Variants in PCM1 observed in about 807,000 individuals in gnomAD.
PCM1 encodes pericentriolar material 1 protein.
In PCM1, 157 loss-of-function variants were observed where a neutral mutation model predicts 241.9. The ratio of observed to expected loss-of-function variants is 0.65; its 90% confidence interval spans 0.57 to 0.74. The LOEUF is 0.74. Among genes scored for constraint, PCM1 ranks in the 30% least tolerant of loss-of-function variants. The probability of loss-of-function intolerance (pLI) is 0.00; values close to 1 mark genes in which losing one functional copy is unlikely to be tolerated. For missense variants in PCM1, 3,478 were observed against 2,360.1 expected (o/e 1.47, Z -9.81); for synonymous variants, 1,085 against 784.9 (o/e 1.38, Z -6.39).
rs1019509095 is a variant in PCM1, at chr8:18,015,591, C to T, written c.5841+751C>T. The T allele has an allele frequency of 4.6e-5, 7 of 152,306 alleles. 1 individual carries two copies. The East Asian group carries it at 1.3e-3, about 29-fold the overall frequency. The allele number at this position is 152,306 out of a possible 1,614,324, so 9.4% of individuals were successfully genotyped here. On this transcript the variant is annotated intron_variant, in intron 36 of 38. Transcript: ENST00000325083. The stretch of plus-strand genomic sequence containing the variant: ...TACTTCCACATTTTCCAAATAAATA[C>T]TTGCCTCTGATATTTTGTCAGTGGA...
chr8:17,988,280 G>A (rs1044612700), intron 26 of PCM1, among the ~76,000 whole-genome samples: 1 of 151,770 alleles, frequency 6.6e-6, no homozygotes, highest in East Asian at 1.9e-4. Flanking sequence ...ACAAATGTTT[G>A]ATTTCATAAT....
intron 2 of PCM1, among the ~76,000 whole-genome samples, chr8:17,931,230 A>G (rs1374873185): frequency 2.6e-5 from 4 of 152,140 alleles, no homozygotes; most frequent in Admixed American, 1.3e-4. Context: ...CAAGCTCTGC[A>G]TTTTAGGGGG....
chr8:17,992,336 G>C (rs1313265793), intron 28 of PCM1, among the ~76,000 whole-genome samples: 1 of 152,134 alleles, frequency 6.6e-6, no homozygotes, highest in East Asian at 1.9e-4. Flanking sequence ...TTCCATAGTG[G>C]TTGTACTAGT....
rs71519940 is a variant in PCM1 at position 18,018,852 on chromosome 8, GTATATATATATATA to G, written c.5841+4027_5841+4040del. Among the ~76,000 whole-genome samples, 197 of 53,736 alleles carry G rather than the reference GTATATATATATATA, an allele frequency of 3.7e-3. 8 individuals carry two copies. The highest frequency in any genetic ancestry group is 0.012 in the Middle Eastern group (1 of 84). 35.3% of individuals were successfully genotyped at this position (53,736 alleles called of 152,430 possible). A position where few individuals can be genotyped will look rare whatever the true frequency, so the allele number is the denominator to read the frequency against. Reference sequence around the variant, plus strand: ...TATATATATATATGTGTGTGTGTGTGTATATATATATATATATATATATATATACACACACATAT... The same window carrying G: ...TATATATATATATGTGTGTGTGTGTGTATATATATATATACACACACATAT... On this transcript the variant is annotated intron_variant, in intron 36 of 38. Coordinates refer to ENST00000325083, the MANE Select transcript of PCM1 (RefSeq NM_006197.4).
chr8:17,960,542 T>TTTTTTTTTTTTTGG (rs1586890974), intron 15 of PCM1, 98 bp downstream of exon 15: 1 of 942,590 alleles, frequency 1.1e-6, no homozygotes, highest in African/African-American at 1.7e-5. Context: ...TCTTTTTTTT[T>TTTTTTTTTTTTTGG]GAGGCAGAGT....
rs2058366081 is a variant in PCM1, at chr8:17,929,749, T to C, written c.-23+4969T>C. ...GAGACCCCCAGTGCATGCCTGAAAC[T>C]GTGGGTAGTACCAAACTCTATGTGT... is the stretch of plus-strand genomic sequence containing the variant. On this transcript the variant is annotated intron_variant, in intron 2 of 38. Coordinates refer to ENST00000325083, the MANE Select transcript of PCM1 (RefSeq NM_006197.4). Among the ~76,000 whole-genome samples the C allele has an allele frequency of 2.0e-5, 3 of 152,208 alleles. No homozygotes were observed. In the South Asian group the frequency reaches 6.2e-4, roughly 31 times the overall value.
chr8:18,001,995 C>CTTTTTTTTTTTTTT (rs1166401113), intron 29 of PCM1, among the ~76,000 whole-genome samples: 5 of 23,404 alleles, frequency 2.1e-4, no homozygotes, highest in Non-Finnish European at 3.3e-4. Flanking sequence ...TCTAACCTTT[C>CTTTTTTTTTTTTTT]TTTTTTTTTT....
chr8:17,960,593 TG>T, intron 15 of PCM1, 149 bp downstream of exon 15: 2 of 562,918 alleles, frequency 3.6e-6, no homozygotes, highest in East Asian at 3.7e-5. Context: ...GGCGTGATCT[TG>T]GCTCACTGCA....
chr8:17,962,292 G>A, intron 16 of PCM1, 118 bp downstream of exon 16: 1 of 784,472 alleles, frequency 1.3e-6, no homozygotes, highest in East Asian at 3.0e-5. Context: ...TTTGTAAATA[G>A]TAGTCTGCTT....
rs964798150 is a variant in PCM1, at chr8:17,935,743, A to G, written c.96+37A>G. On this transcript the variant is annotated intron_variant, in intron 3 of 38. Coordinates refer to ENST00000325083, the MANE Select transcript of PCM1 (RefSeq NM_006197.4). ...TACTCTTCATGGTGTGTTGTTGGCT[A>G]TTAATGTTAAAATGCAGTTTTCCCC... The G allele has an allele frequency of 2.3e-5, 22 of 964,200 alleles. No homozygotes were observed. In the African/African-American group the frequency reaches 2.4e-4, roughly 10 times the overall value. 59.7% of individuals were successfully genotyped at this position (964,200 alleles called of 1,614,324 possible). A position where few individuals can be genotyped will look rare whatever the true frequency, so the allele number is the denominator to read the frequency against.
rs767080180 is a variant in PCM1 at position 17,955,509 on chromosome 8, C to G, written c.1328C>G (p.Ala443Gly). ...QRSVDQRSTS[A>G]PSASVGLAPV... ...AGTGTCGATCAGAGAAGTACTTCAG[C>G]TCCCTCTGCTTCTGTAGGCTTGGCA... The change falls in exon 10 of 39, where the codon GCT (alanine) becomes GGT (glycine). Residue 443 changes from alanine to glycine, a missense_variant. Transcript: ENST00000325083. The G allele has an allele frequency of 1.2e-6, 2 of 1,613,406 alleles. No homozygotes were observed. Among genetic ancestry groups the G allele is most frequent in the Non-Finnish European group, 1.7e-6 (2 of 1,179,638 alleles).
At chr8:17,946,180 T>C (rs2063706130) in intron 6 of PCM1, among the ~76,000 whole-genome samples, 1 of 152,182 alleles carries the variant, frequency 6.6e-6, no homozygotes, top group Non-Finnish European at 1.5e-5. Flanking sequence ...TCCATCCCTC[T>C]ACTTTTAGAC....
intron 29 of PCM1, among the ~76,000 whole-genome samples, chr8:18,001,486 A>G (rs982852120): frequency 5.9e-5 from 9 of 152,216 alleles, no homozygotes; most frequent in African/African-American, 2.2e-4. Context: ...AAGCAGTACT[A>G]TTAATTTCAT....
intron 20 of PCM1, 31 bp downstream of exon 20, chr8:17,966,504 T>C (rs192848809): frequency 1.3e-6 from 2 of 1,599,604 alleles, no homozygotes; most frequent in Admixed American, 1.7e-5. Context: ...ATTGAGACTG[T>C]ATAAGAGCTA....
intron 38 of PCM1, 123 bp downstream of exon 38, chr8:18,025,781 G>T (rs1341901285): frequency 3.3e-6 from 2 of 608,314 alleles, no homozygotes; most frequent in Non-Finnish European, 2.9e-6. Context: ...ATACTAGAAA[G>T]AAAGTGTAAT....
intron 29 of PCM1, among the ~76,000 whole-genome samples, chr8:18,003,081 C>G (rs372471608): frequency 1.8e-4 from 27 of 152,186 alleles, no homozygotes; most frequent in East Asian, 1.3e-3. Context: ...TCTGCCTTAT[C>G]CTTTACCTGC....
chr8:18,018,848 G>GTATATATATATATATATA (rs765183382), intron 36 of PCM1, among the ~76,000 whole-genome samples: 1 of 36,296 alleles, frequency 2.8e-5, no homozygotes, highest in African/African-American at 9.4e-5. Context: ...ATGTGTGTGT[G>GTATATATATATATATATA]TGTGTATATA....
chr8:17,937,425 C>T, intron 4 of PCM1, 46 bp downstream of exon 4: 4 of 1,423,080 alleles, frequency 2.8e-6, no homozygotes, highest in Non-Finnish European at 3.8e-6. Context: ...GTGAGAAATA[C>T]TTGAAATGGA....
Position 17,962,170 on chromosome 8 carries a change from A to T in PCM1, c.2459A>T (p.Asn820Ile), listed in dbSNP as rs376124468. Reference sequence around the variant, plus strand: ...CCTGAAGATTCTTCAATAGTAGATAATGAGGTATTGTAAATTGTACTCTCT... The same window carrying T: ...CCTGAAGATTCTTCAATAGTAGATATTGAGGTATTGTAAATTGTACTCTCT... ...FEPEDSSIVD[N>I]ELWSEMRRHE... The change falls in exon 16 of 39, where the codon AAT (asparagine) becomes ATT (isoleucine). Residue 820 changes from asparagine to isoleucine, a missense_variant. By Grantham distance (149) the Asn-to-Ile change is moderately radical. Transcript: ENST00000325083. The T allele has an allele frequency of 1.4e-5, 22 of 1,602,022 alleles. No individual in the cohort carries two copies. The highest frequency in any genetic ancestry group is 2.6e-6 in the Non-Finnish European group (3 of 1,172,922).
Sources: gnomAD v4.1 joint callset for allele counts (sites outside exome capture counted in the v4.1 genomes callset) on GRCh38, gnomAD v4.1.1 for gene constraint, MANE v1.5 for transcripts, NCBI Gene and HGNC (gene_info 2026-07-23, HGNC 2026-07-21) for gene names.